Variants in SLC43A3 observed in about 807,000 individuals in gnomAD.
SLC43A3 encodes the protein equilibrative nucleobase transporter 1.
A neutral mutation model predicts 53.3 loss-of-function variants in SLC43A3; 33 were observed. That is an observed-to-expected ratio of 0.62 (90% CI 0.47 to 0.83). The LOEUF (loss-of-function observed/expected upper bound fraction) is 0.83, where lower values mean the gene tolerates loss of function less well. Among genes scored for constraint, SLC43A3 ranks in the 40% least tolerant of loss-of-function variants. The pLI is 0.00. For missense variants in SLC43A3, 530 were observed against 610.0 expected, an observed-to-expected ratio of 0.87 and a Z score of 1.38; for synonymous variants, 236 against 246.2, an observed-to-expected ratio of 0.96 and a Z score of 0.39.
chr11:57,416,927 G>A (rs1186446251), intron 8 of SLC43A3, among the ~76,000 whole-genome samples: 2 of 152,214 alleles, frequency 1.3e-5, no homozygotes, highest in Non-Finnish European at 1.5e-5. Flanking sequence ...CATGAAAAGA[G>A]TAGGGCAGGC....
chr11:57,420,800 G>A (rs752227257), intron 7 of SLC43A3, among the ~76,000 whole-genome samples, 172 bp downstream of exon 7: 3 of 152,208 alleles, frequency 2.0e-5, no homozygotes, highest in Non-Finnish European at 4.4e-5. Context: ...GCTACTAGCT[G>A]CAGAACCTTC....
chr11:57,411,878 T>G (rs986326525), intron 11 of SLC43A3, among the ~76,000 whole-genome samples: 1 of 152,182 alleles, frequency 6.6e-6, no homozygotes, highest in African/African-American at 2.4e-5. Context: ...TACATATGCA[T>G]ATGTTAGGAA....
rs1240140985 is a variant in SLC43A3 at position 57,407,301 on chromosome 11, GT to G, written c.*490del. 1 of 155,058 alleles carries G rather than the reference GT, an allele frequency of 6.4e-6. No homozygotes were observed. Among genetic ancestry groups the G allele is most frequent in the Non-Finnish European group, 1.4e-5 (1 of 69,708 alleles). 9.6% of individuals were successfully genotyped at this position (155,058 alleles called of 1,614,324 possible). On this transcript the variant is annotated 3_prime_UTR_variant, in exon 14 of 14. Transcript: ENST00000395124. ...GCTGAGACTGGGCCCAGGGAACCCT[GT>G]CTGCTCCTCTTTTTCCCAGAGCTGT...
chr11:57,409,216 A>C lies in SLC43A3; in HGVS notation c.1330T>G (p.Phe444Val), dbSNP rs781022603. Residue 444 changes from phenylalanine (F) to valine (V), a missense_variant, in exon 13 of 14, where the codon TTC (phenylalanine) becomes GTC (valine). Coordinates refer to ENST00000395124, the MANE Select transcript of SLC43A3 (RefSeq NM_199329.3). ...TGAAGGGAGCCTTTGATGAGGGTGA[A>C]GATGGGGAACTGGAGCAGAGACACC... ...AVVSLLQFPI[F>V]TLIKGSLQND... 1.9e-6 allele frequency: 3 copies of C among 1,614,196 alleles called. No individual in the cohort carries two copies. Among genetic ancestry groups the C allele is most frequent in the Non-Finnish European group, 2.5e-6 (3 of 1,180,010 alleles).
chr11:57,416,306 G>C (rs138190779), intron 9 of SLC43A3, among the ~76,000 whole-genome samples: 227 of 152,286 alleles, frequency 1.5e-3, no homozygotes, highest in African/African-American at 5.0e-3. Flanking sequence ...ACCGAGGAGT[G>C]GGGGGAAGGG....
intron 5 of SLC43A3, chr11:57,423,755 A>G (rs1943088990): frequency 4.0e-6 from 2 of 498,418 alleles, no homozygotes; most frequent in East Asian, 6.1e-5. Flanking sequence ...AATAAATTCT[A>G]CTCTCTGAAG....
intron 7 of SLC43A3, among the ~76,000 whole-genome samples, chr11:57,420,014 T>TCTCTGCCC (rs1394037518): frequency 1.3e-5 from 2 of 152,198 alleles, no homozygotes; most frequent in Admixed American, 1.3e-4. Context: ...GAGATCCTCT[T>TCTCTGCCC]CTCTGCCCCC....
At chr11:57,409,326 G>A in intron 12 of SLC43A3, 28 bp from the exon 13 acceptor site, 3 of 1,613,632 alleles carry the variant, frequency 1.9e-6, no homozygotes, top group Non-Finnish European at 2.5e-6. Flanking sequence ...AGGGGTTCCA[G>A]TGAGCTTCAG....
chr11:57,415,864 G>C (rs1942696327), intron 9 of SLC43A3, among the ~76,000 whole-genome samples: 1 of 152,122 alleles, frequency 6.6e-6, no homozygotes, highest in Non-Finnish European at 1.5e-5. Flanking sequence ...TACAATATGA[G>C]GTCATAGGAT....
chr11:57,416,692 C>CA, intron 8 of SLC43A3, 22 bp from the exon 9 acceptor site: 1 of 1,596,418 alleles, frequency 6.3e-7, no homozygotes, highest in African/African-American at 1.3e-5. Context: ...AAAGCCCCAC[C>CA]AGCAAGGCCA....
chr11:57,424,989 C>T (rs1308502395), intron 4 of SLC43A3, among the ~76,000 whole-genome samples: 2 of 152,262 alleles, frequency 1.3e-5, no homozygotes, highest in Middle Eastern at 3.4e-3. Context: ...CACAGGAAAC[C>T]CCCCCAGTCT....
At chr11:57,413,819 T>G (rs563462063) in intron 11 of SLC43A3, among the ~76,000 whole-genome samples, 1 of 152,098 alleles carries the variant, frequency 6.6e-6, no homozygotes, top group Non-Finnish European at 1.5e-5. Flanking sequence ...CCTCAATGTT[T>G]CACTCTCTCA....
chr11:57,414,614 CCTGT>C lies in SLC43A3; in HGVS notation c.1057_1060del (p.Thr353ValfsTer18). 6.2e-7 allele frequency: 1 copy of C among 1,603,054 alleles called. No homozygotes were observed. Among genetic ancestry groups the C allele is most frequent in the Non-Finnish European group, 8.5e-7 (1 of 1,170,132 alleles). ...AGCCCCTGCCCTCCCCCGCATCTCA[CCTGT>C]CTTTCTTGCTTCCTTCTGGTACTTC... On this transcript the variant is annotated frameshift_variant and splice_region_variant, in exon 11 of 14. Transcript: ENST00000395124. LOFTEE classifies it high-confidence loss of function.
rs185827290 is a variant in SLC43A3 at position 57,425,096 on chromosome 11, G to A, written c.314+445C>T. Among the ~76,000 whole-genome samples, 1,164 of 152,278 alleles carry A rather than the reference G, an allele frequency of 7.6e-3. 6 individuals carry two copies. Among genetic ancestry groups the A allele is most frequent in the Non-Finnish European group, 0.011 (760 of 68,008 alleles). ...CTAGGGAGTGATTGGCTGTTGGGGC[G>A]GGGAGGGGGGGCGGTGAGGAGGATG... On this transcript the variant is annotated intron_variant, in intron 4 of 13. Coordinates refer to ENST00000395124, the MANE Select transcript of SLC43A3 (RefSeq NM_199329.3).
chr11:57,416,488 G>T, intron 9 of SLC43A3, 85 bp downstream of exon 9: 1 of 1,019,946 alleles, frequency 9.8e-7, no homozygotes, highest in Admixed American at 1.9e-5. Context: ...TGGGTCCCTG[G>T]GGGAGCTCTG....
rs764729526 is a variant in SLC43A3, at chr11:57,407,842, C to A, written c.1426G>T (p.Val476Leu). 6.8e-6 allele frequency: 11 copies of A among 1,613,572 alleles called. No individual in the cohort carries two copies. The highest frequency in any genetic ancestry group is 9.3e-6 in the Non-Finnish European group (11 of 1,179,652). Residue 476 changes from valine to leucine, a missense_variant, in exon 14 of 14, where the codon GTA (valine) becomes TTA (leucine). Val to Leu is a conservative substitution (Grantham distance 32). Coordinates refer to ENST00000395124, the MANE Select transcript of SLC43A3 (RefSeq NM_199329.3). ...ILLTFFHPFL[V>L]YRECRTWKES... ...TTCCAAGTACGGCATTCCCGATATACCAGAAAGGGGTGGAAGAATGTCAGA... is the reference window on the plus strand; with the variant it reads ...TTCCAAGTACGGCATTCCCGATATAACAGAAAGGGGTGGAAGAATGTCAGA...
At chr11:57,418,061 C>T (rs1208178939) in intron 7 of SLC43A3, among the ~76,000 whole-genome samples, 174 bp from the exon 8 acceptor site, 1 of 152,178 alleles carries the variant, frequency 6.6e-6, no homozygotes, top group African/African-American at 2.4e-5. Context: ...AAAGAGGCAA[C>T]CATGCTGGCT....
At chr11:57,409,034 T>A in intron 13 of SLC43A3, 141 bp downstream of exon 13, 1 of 820,558 alleles carries the variant, frequency 1.2e-6, no homozygotes, top group Non-Finnish European at 2.0e-6. Flanking sequence ...ACAAATACTT[T>A]TGCCCCAAAT....
Position 57,407,675 on chromosome 11 carries a change from G to GTGTGTGTC in SLC43A3, c.*116_*117insGACACACA. 1 of 635,514 alleles carries GTGTGTGTC rather than the reference G, an allele frequency of 1.6e-6. No individual in the cohort carries two copies. Among genetic ancestry groups the GTGTGTGTC allele is most frequent in the Non-Finnish European group, 2.8e-6 (1 of 350,896 alleles). The allele number at this position is 635,514 out of a possible 1,614,324, so 39.4% of individuals were successfully genotyped here. ...TTGTGTGTCTTTATTTTGTGTGTGTGTGTGTGTGTGTGTGTGTTTTGCTGG... is the reference window on the plus strand; with the variant it reads ...TTGTGTGTCTTTATTTTGTGTGTGTGTGTGTGTCTGTGTGTGTGTGTGTGTTTTGCTGG... On this transcript the variant is annotated 3_prime_UTR_variant, in exon 14 of 14. Coordinates refer to ENST00000395124, the MANE Select transcript of SLC43A3 (RefSeq NM_199329.3).
Sources: gnomAD v4.1 joint callset for allele counts (sites outside exome capture counted in the v4.1 genomes callset) on GRCh38, gnomAD v4.1.1 for gene constraint, MANE v1.5 for transcripts, NCBI Gene and HGNC (gene_info 2026-07-23, HGNC 2026-07-21) for gene names.